The following PDE3B variants were observed in gnomAD, a reference collection of about 807,000 sequenced individuals.
PDE3B encodes cGMP-inhibited 3',5'-cyclic phosphodiesterase 3B.
A neutral mutation model predicts 116.8 loss-of-function variants in PDE3B; 66 were observed. The observed-to-expected ratio is 0.56, with a 90% confidence interval of 0.46 to 0.69. The LOEUF is 0.69. Ranked by LOEUF, PDE3B falls within the 30% of genes least tolerant of loss-of-function variation. The probability of loss-of-function intolerance (pLI) is 0.00; values close to 1 mark genes in which losing one functional copy is unlikely to be tolerated. For synonymous variants in PDE3B, 595 were observed against 533.6 expected (o/e 1.12, Z -1.59); for missense variants, 1,384 against 1,368.1 (o/e 1.01, Z -0.18).
At chr11:14,891,643 C>T in the PDE3B span, 2 of 1,123,688 alleles carry the variant, frequency 1.8e-6, no homozygotes, top group South Asian at 2.5e-5. Context: ...GGCATGCGTC[C>T]ACCCTGGACC....
intron 1 of PDE3B, among the ~76,000 whole-genome samples, chr11:14,729,212 C>T: frequency 6.6e-6 from 1 of 152,184 alleles, no homozygotes; most frequent in East Asian, 1.9e-4. Flanking sequence ...GCATCTCAAA[C>T]TTTTTGTTGA....
At chr11:14,885,915 G>A in the PDE3B span, 1 of 1,613,024 alleles carries the variant, frequency 6.2e-7, no homozygotes, top group African/African-American at 1.3e-5. Flanking sequence ...CTAAACTGAA[G>A]ATCTTTGAGA....
Position 14,717,576 on chromosome 11 carries a change from T to C in PDE3B, c.979-54361T>C, listed in dbSNP as rs144634541. Among the ~76,000 whole-genome samples the C allele has an allele frequency of 8.0e-3, 455 of 56,708 alleles. 1 individual carries two copies. The highest frequency in any genetic ancestry group is 0.015 in the East Asian group (26 of 1,740). 37.2% of individuals were successfully genotyped at this position (56,708 alleles called of 152,430 possible). ...ATCAGACTAACAGCGGATCTCTCGG[T>C]AGAAACCCTACAAGCCAGAAGAGAG... On this transcript the variant is annotated intron_variant, in intron 1 of 15. Coordinates refer to ENST00000282096, the MANE Select transcript of PDE3B (RefSeq NM_000922.4).
At chr11:14,652,849 A>G (rs1853607439) in intron 1 of PDE3B, among the ~76,000 whole-genome samples, 1 of 152,192 alleles carries the variant, frequency 6.6e-6, no homozygotes, top group African/African-American at 2.4e-5. Flanking sequence ...GATTGCCTTG[A>G]ATCTGTAGAT....
At chr11:14,878,002 G>T in the PDE3B span, 1 of 996,444 alleles carries the variant, frequency 1.0e-6, no homozygotes, top group African/African-American at 1.6e-5. Flanking sequence ...AGACACATCT[G>T]TGTTCATTTG....
chr11:14,815,832 C>G (rs1859307734), intron 5 of PDE3B, among the ~76,000 whole-genome samples: 1 of 151,930 alleles, frequency 6.6e-6, no homozygotes, highest in South Asian at 2.1e-4. Context: ...AGCATATAAA[C>G]ATGAAATGTG....
intron 12 of PDE3B, among the ~76,000 whole-genome samples, chr11:14,845,731 G>A (rs1309440297): frequency 6.6e-6 from 1 of 152,190 alleles, no homozygotes; most frequent in Admixed American, 6.5e-5. Flanking sequence ...CCGGAAGAAA[G>A]GGTTTCGGTG....
chr11:14,795,732 C>CT (rs915332161), intron 4 of PDE3B, among the ~76,000 whole-genome samples: 1 of 151,852 alleles, frequency 6.6e-6, no homozygotes, highest in Admixed American at 6.6e-5. Context: ...AGATTTTTCT[C>CT]TTTTTTTGTT....
the PDE3B span, among the ~76,000 whole-genome samples, chr11:14,893,438 T>C: frequency 6.6e-6 from 1 of 152,216 alleles, no homozygotes; most frequent in Non-Finnish European, 1.5e-5. Context: ...TTACCACCAA[T>C]CTGATGGCTT....
intron 5 of PDE3B, among the ~76,000 whole-genome samples, chr11:14,812,891 G>A (rs1401237018): frequency 6.6e-6 from 1 of 152,108 alleles, no homozygotes; most frequent in Admixed American, 6.5e-5. Flanking sequence ...TTTGGAGCTG[G>A]GGCCTTTGGA....
At chr11:14,798,301 A>T (rs1018915510) in intron 4 of PDE3B, among the ~76,000 whole-genome samples, 3 of 152,166 alleles carry the variant, frequency 2.0e-5, no homozygotes, top group Admixed American at 2.0e-4. Flanking sequence ...GTGGTGGGTA[A>T]GCTTTTTGAT....
intron 5 of PDE3B, among the ~76,000 whole-genome samples, chr11:14,811,594 T>G (rs1305056753): frequency 1.3e-5 from 2 of 152,176 alleles, no homozygotes; most frequent in African/African-American, 4.8e-5. Flanking sequence ...AGCTTTGTTC[T>G]TTTGGCTTAG....
chr11:14,800,474 T>A (rs1041756888), intron 4 of PDE3B, among the ~76,000 whole-genome samples: 16 of 152,118 alleles, frequency 1.1e-4, no homozygotes, highest in Admixed American at 9.2e-4. Context: ...CAAAAAAGAA[T>A]ACTGGCCCTC....
the PDE3B span, among the ~76,000 whole-genome samples, chr11:14,893,902 A>G: frequency 1.3e-5 from 2 of 152,184 alleles, no homozygotes; most frequent in Non-Finnish European, 2.9e-5. Flanking sequence ...TGCCTACTAT[A>G]GAAGAGAAAT....
intron 4 of PDE3B, among the ~76,000 whole-genome samples, chr11:14,796,890 G>A (rs145491801): frequency 1.3e-4 from 20 of 152,244 alleles, no homozygotes; most frequent in Non-Finnish European, 2.5e-4. Context: ...GGTCAATGTT[G>A]CCTTTTGTTG....
chr11:14,831,593 G>T, intron 8 of PDE3B, 47 bp from the exon 9 acceptor site: 1 of 1,209,748 alleles, frequency 8.3e-7, no homozygotes, highest in Non-Finnish European at 1.1e-6. Context: ...ATATTTTACA[G>T]TATTTATAAA....
In PDE3B at chr11:14,644,795, G is replaced by A. The variant is rs1456927833; in HGVS notation, c.720G>A (p.Leu240=). 3 of 1,610,292 alleles carry A rather than the reference G, an allele frequency of 1.9e-6. No individual in the cohort carries two copies. The African/African-American group carries it at 4.0e-5, about 22-fold the overall frequency. The part of the protein sequence containing the change: ...WWVSFTSLGS[L]PSALRPLLSG... ...TCTCCTTCACCAGCCTCGGGTCGCT[G>A]CCCTCCGCCCTCAGGCCGCTGCTCT... Residue 240 remains leucine (L), a synonymous_variant, in exon 1 of 16, where the codon CTG becomes CTA. Coordinates refer to ENST00000282096, the MANE Select transcript of PDE3B (RefSeq NM_000922.4).
At chr11:14,824,855 A>G (rs1192448473) in intron 7 of PDE3B, among the ~76,000 whole-genome samples, 2 of 152,182 alleles carry the variant, frequency 1.3e-5, no homozygotes, top group African/African-American at 2.4e-5. Flanking sequence ...GTTTGAAATC[A>G]AGGAAAGAAT....
intron 1 of PDE3B, among the ~76,000 whole-genome samples, chr11:14,757,419 A>G (rs1178684950): frequency 6.6e-6 from 1 of 151,056 alleles, no homozygotes; most frequent in African/African-American, 2.4e-5. Flanking sequence ...AGTCCCACCA[A>G]CAGTGTAAAA....
Sources: gnomAD v4.1 joint callset for allele counts (sites outside exome capture counted in the v4.1 genomes callset) on GRCh38, gnomAD v4.1.1 for gene constraint, MANE v1.5 for transcripts, NCBI Gene and HGNC (gene_info 2026-07-23, HGNC 2026-07-21) for gene names.